COL8A1: variants seen among roughly 807,000 people sequenced by gnomAD.
The protein encoded by COL8A1 is collagen alpha-1(VIII) chain.
A neutral mutation model predicts 42.7 loss-of-function variants in COL8A1; 21 were observed. The observed-to-expected ratio is 0.49, with a 90% CI of 0.35 to 0.71. The LOEUF (loss-of-function observed/expected upper bound fraction) is 0.71, where lower values mean the gene tolerates loss of function less well. COL8A1 is among the 30% of genes least tolerant of loss of function. COL8A1 has a pLI of 0.01. For missense variants in COL8A1, 788 were observed against 962.4 expected (o/e 0.82, Z 2.40); for synonymous variants, 367 against 369.1 (o/e 0.99, Z 0.06).
Position 99,738,297 on chromosome 3 carries a change from C to T in COL8A1, c.-128-6600C>T, listed in dbSNP as rs926937584. Among the ~76,000 whole-genome samples, 69 of 152,332 alleles carry T rather than the reference C, an allele frequency of 4.5e-4. No homozygotes were observed. In the East Asian group the frequency reaches 7.7e-3, roughly 17 times the overall value. On this transcript the variant is annotated intron_variant, in intron 1 of 3. Coordinates refer to ENST00000652472, the MANE Select transcript of COL8A1 (RefSeq NM_020351.4). ...CTGCGTTCCTTTGGAGGAGGAGAGG[C>T]ACTCTGATTTTTAGAGTTTCCAGTT...
chr3:99,776,974 G>T (rs1436055909), intron 2 of COL8A1, among the ~76,000 whole-genome samples: 1 of 152,206 alleles, frequency 6.6e-6, no homozygotes, highest in African/African-American at 2.4e-5. Context: ...AGAGAGGAGG[G>T]CCAGAGGGCA....
At chr3:99,726,078 T>G (rs1237550451) in intron 1 of COL8A1, among the ~76,000 whole-genome samples, 1 of 152,176 alleles carries the variant, frequency 6.6e-6, no homozygotes, top group African/African-American at 2.4e-5. Flanking sequence ...CAGTACCTGT[T>G]GTTTTCTGAC....
At chr3:99,654,185 A>G (rs954149766) in intron 1 of COL8A1, among the ~76,000 whole-genome samples, 1 of 152,124 alleles carries the variant, frequency 6.6e-6, no homozygotes, top group Non-Finnish European at 1.5e-5. Context: ...TGCTCTTTCC[A>G]CCTTCTTCCG....
At chr3:99,641,162 G>A (rs1937502537) in intron 1 of COL8A1, among the ~76,000 whole-genome samples, 1 of 152,084 alleles carries the variant, frequency 6.6e-6, no homozygotes, top group South Asian at 2.1e-4. Flanking sequence ...GGATTGGGGT[G>A]AAAAGGGACT....
intron 1 of COL8A1, among the ~76,000 whole-genome samples, chr3:99,723,954 C>A (rs1360303451): frequency 6.6e-6 from 1 of 152,108 alleles, no homozygotes; most frequent in Admixed American, 6.6e-5. Context: ...TGCTGTACTT[C>A]TCTGCTTATA....
chr3:99,789,718 T>C (rs1264699887), intron 2 of COL8A1, among the ~76,000 whole-genome samples: 2 of 152,256 alleles, frequency 1.3e-5, no homozygotes, highest in South Asian at 4.1e-4. Context: ...ATTAATGGGC[T>C]TAGAAGCAGC....
At chr3:99,648,735 G>C (rs565063457) in intron 1 of COL8A1, among the ~76,000 whole-genome samples, 10 of 152,254 alleles carry the variant, frequency 6.6e-5, no homozygotes, top group African/African-American at 2.4e-4. Context: ...AAACACTAGA[G>C]CAAAGGCACT....
At chr3:99,681,416 AC>A (rs1938878294) in intron 1 of COL8A1, among the ~76,000 whole-genome samples, 1 of 152,236 alleles carries the variant, frequency 6.6e-6, no homozygotes, top group East Asian at 1.9e-4. Context: ...AAATTTTCAC[AC>A]CAGTGGCCTT....
chr3:99,753,540 A>G (rs1941194122), intron 2 of COL8A1, among the ~76,000 whole-genome samples: 1 of 152,208 alleles, frequency 6.6e-6, no homozygotes, highest in Non-Finnish European at 1.5e-5. Flanking sequence ...ATCAGTTAGT[A>G]CCGCTGCAGC....
At chr3:99,764,460 CACCACG>C (rs1407453866) in intron 2 of COL8A1, among the ~76,000 whole-genome samples, 1 of 152,138 alleles carries the variant, frequency 6.6e-6, no homozygotes, top group Non-Finnish European at 1.5e-5. Context: ...TGTGCGTGTA[CACCACG>C]ATCTATTCAA....
intron 1 of COL8A1, among the ~76,000 whole-genome samples, chr3:99,696,413 C>T (rs1026533741): frequency 5.3e-5 from 8 of 152,162 alleles, no homozygotes; most frequent in African/African-American, 1.4e-4. Context: ...GGGCCCCTAC[C>T]AGGAGAAGCC....
chr3:99,663,962 C>G (rs1186051814), intron 1 of COL8A1, among the ~76,000 whole-genome samples: 1 of 152,124 alleles, frequency 6.6e-6, no homozygotes, highest in African/African-American at 2.4e-5. Context: ...ATGGACACTC[C>G]CTCACAATTC....
rs568102840 is a variant in COL8A1, at chr3:99,673,839, G to A, written c.-129+35175G>A. 5.3e-5 allele frequency among the ~76,000 whole-genome samples: 8 copies of A among 152,022 alleles called. No individual in the cohort carries two copies. In the East Asian group the frequency reaches 5.8e-4, roughly 11 times the overall value. ...CGTGGGGAAGATTTTTAACCTCTGT[G>A]TACCTCAGTTTCCATATCTGAACAA... On this transcript the variant is annotated intron_variant, in intron 1 of 3. Transcript: ENST00000652472.
At chr3:99,779,603 G>C (rs1941756678) in intron 2 of COL8A1, among the ~76,000 whole-genome samples, 1 of 152,186 alleles carries the variant, frequency 6.6e-6, no homozygotes, top group South Asian at 2.1e-4. Flanking sequence ...TCCAGCCTTT[G>C]AACTAGTGTT....
intron 1 of COL8A1, among the ~76,000 whole-genome samples, chr3:99,738,083 C>T (rs1940785823): frequency 6.6e-6 from 1 of 152,162 alleles, no homozygotes; most frequent in Non-Finnish European, 1.5e-5. Flanking sequence ...CCATCAGGTC[C>T]TTTAAGCACT....
At chr3:99,781,733 GTTCTGCAGTCC>G (rs948941495) in intron 2 of COL8A1, among the ~76,000 whole-genome samples, 7 of 152,110 alleles carry the variant, frequency 4.6e-5, no homozygotes, top group Non-Finnish European at 1.0e-4. Flanking sequence ...AAGTAACAGT[GTTCTGCAGTCC>G]TTCTAGAGCC....
At chr3:99,692,274 T>C (rs1214841380) in intron 1 of COL8A1, among the ~76,000 whole-genome samples, 1 of 152,216 alleles carries the variant, frequency 6.6e-6, no homozygotes, top group African/African-American at 2.4e-5. Context: ...TGCATTTACC[T>C]TGTCTAAAAC....
chr3:99,706,186 A>C (rs1331893961), intron 1 of COL8A1, among the ~76,000 whole-genome samples: 1 of 152,182 alleles, frequency 6.6e-6, no homozygotes, highest in African/African-American at 2.4e-5. Context: ...AAAAAAGACC[A>C]CACAGGTTTG....
chr3:99,709,676 C>G (rs1939781748), intron 1 of COL8A1, among the ~76,000 whole-genome samples: 1 of 152,176 alleles, frequency 6.6e-6, no homozygotes. Flanking sequence ...ACATGCCTCT[C>G]CATATTGAAT....
Sources: allele counts gnomAD v4.1 joint callset (sites outside exome capture counted in the v4.1 genomes callset), GRCh38; gene constraint gnomAD v4.1.1; transcripts MANE v1.5; gene names NCBI Gene and HGNC (gene_info 2026-07-23, HGNC 2026-07-21).